MISP: variants seen among roughly 807,000 people sequenced by gnomAD.
MISP encodes mitotic interactor and substrate of PLK1.
In MISP, 51 loss-of-function variants were observed where a neutral mutation model predicts 49.3. That is an observed-to-expected ratio of 1.03 (90% CI 0.83 to 1.31). MISP has a LOEUF of 1.31. MISP is among the 50% of genes most tolerant of loss of function. MISP has a pLI of 0.00. For missense variants in MISP, 1,084 were observed against 935.1 expected, an observed-to-expected ratio of 1.16 and a Z score of -2.08; for synonymous variants, 444 against 392.6, an observed-to-expected ratio of 1.13 and a Z score of -1.55.
rs146140485 is a variant in MISP at position 758,422 on chromosome 19, G to A, written c.1476G>A (p.Pro492=). 2.5e-3 allele frequency: 4,061 copies of A among 1,614,180 alleles called. 16 individuals are homozygous for A. The highest frequency in any genetic ancestry group is 4.5e-3 in the South Asian group (407 of 91,082). ...CATCGAAGCCCCCTCGGGGATGCCC[G>A]CAAGCCAACAGGGGTGTCGTGCGGT... is the stretch of plus-strand genomic sequence containing the variant. The part of the protein sequence containing the change: ...QEASKPPRGC[P]QANRGVVRWE... Residue 492 remains proline (P), a synonymous_variant, in exon 2 of 5, where the codon CCG becomes CCA. Transcript: ENST00000215582.
At chr19:759,875 G>A (rs776233756) in intron 2 of MISP, 34 bp from the exon 3 acceptor site, 3 of 1,612,762 alleles carry the variant, frequency 1.9e-6, no homozygotes, top group South Asian at 1.1e-5. Context: ...TCTGACAAAT[G>A]TTCTAATGTT....
intron 1 of MISP, among the ~76,000 whole-genome samples, chr19:751,574 C>T (rs2033460462): frequency 6.6e-6 from 1 of 152,144 alleles, no homozygotes; most frequent in Admixed American, 6.5e-5. Flanking sequence ...TCCCACCAGG[C>T]CCCTGACTGG....
At chr19:762,583 C>T (rs186789393) in intron 4 of MISP, among the ~76,000 whole-genome samples, 34 of 152,276 alleles carry the variant, frequency 2.2e-4, no homozygotes, top group African/African-American at 7.9e-4. Context: ...AGGTATGCAT[C>T]TGAGACTATT....
chr19:762,444 G>T (rs573200476), intron 4 of MISP, among the ~76,000 whole-genome samples: 1 of 151,312 alleles, frequency 6.6e-6, no homozygotes, highest in Admixed American at 6.6e-5. Flanking sequence ...GCAGAGATGG[G>T]GTTTCACCAT....
At chr19:759,397 AT>A in intron 2 of MISP, among the ~76,000 whole-genome samples, 1 of 116,666 alleles carries the variant, frequency 8.6e-6, no homozygotes, top group African/African-American at 3.3e-5. Flanking sequence ...GTCACTTTTA[AT>A]GTTTTTTTTT....
chr19:748,542 T>C (rs2033410144), upstream of MISP, among the ~76,000 whole-genome samples: 1 of 152,132 alleles, frequency 6.6e-6, no homozygotes, highest in African/African-American at 2.4e-5. Flanking sequence ...AAGGGGCTGC[T>C]GTGGGGGGGC....
At chr19:752,014 A>T (rs956512075) in intron 1 of MISP, among the ~76,000 whole-genome samples, 1 of 152,110 alleles carries the variant, frequency 6.6e-6, no homozygotes, top group Non-Finnish European at 1.5e-5. Context: ...TGAGGCTGGG[A>T]GGAGCAACCC....
At chr19:753,285 C>T (rs551073093) in intron 1 of MISP, among the ~76,000 whole-genome samples, 3 of 152,222 alleles carry the variant, frequency 2.0e-5, no homozygotes, top group East Asian at 1.9e-4. Context: ...TGACACATTG[C>T]GTGTAGTTTC....
chr19:760,171 G>A (rs2033650438), intron 3 of MISP, 132 bp downstream of exon 3: 2 of 963,080 alleles, frequency 2.1e-6, no homozygotes, highest in Admixed American at 5.0e-5. Flanking sequence ...CCGTGCCTCA[G>A]TCTCCTGCAG....
chr19:752,024 C>A (rs2033467059), intron 1 of MISP, among the ~76,000 whole-genome samples: 1 of 152,112 alleles, frequency 6.6e-6, no homozygotes, highest in Admixed American at 6.6e-5. Flanking sequence ...AGGAGCAACC[C>A]AGGGGGCTTC....
rs755955223 is a variant in MISP at position 758,028 on chromosome 19, G to A, written c.1082G>A (p.Arg361His). The A allele has an allele frequency of 2.3e-5, 36 of 1,570,192 alleles. No homozygotes were observed. The highest frequency in any genetic ancestry group is 2.8e-5 in the Non-Finnish European group (33 of 1,161,324). Reference protein sequence around the residue: ...VQRDIVQETQREEDHRREGLH... With the variant: ...VQRDIVQETQHEEDHRREGLH... ...CGGGACATAGTACAGGAGACACAGC[G>A]TGAGGAAGACCACCGGCGGGAGGGC... Residue 361 changes from arginine to histidine, a missense_variant, in exon 2 of 5, where the codon CGT (arginine) becomes CAT (histidine). Transcript: ENST00000215582.
intron 3 of MISP, chr19:760,359 A>G: frequency 5.9e-6 from 1 of 168,880 alleles, no homozygotes; most frequent in East Asian, 1.8e-4. Flanking sequence ...CACCAGCATT[A>G]GTTTCTTTTT....
chr19:763,691 A>AG lies in MISP; in HGVS notation c.*103dup, dbSNP rs2033711287. On this transcript the variant is annotated 3_prime_UTR_variant, in exon 5 of 5. Transcript: ENST00000215582. ...ACCCTAGGAAATGGGTCCTAGGTCC[A>AG]GGATCCAAGAACCACAGCTCATCTG... The AG allele has an allele frequency of 1.3e-6, 1 of 786,978 alleles. No individual in the cohort carries two copies. Among genetic ancestry groups the AG allele is most frequent in the African/African-American group, 1.7e-5 (1 of 58,466 alleles). The allele number at this position is 786,978 out of a possible 1,614,324, so 48.7% of individuals were successfully genotyped here.
chr19:749,898 C>T (rs372134806), upstream of MISP, among the ~76,000 whole-genome samples: 3 of 152,086 alleles, frequency 2.0e-5, no homozygotes, highest in Admixed American at 1.3e-4. Context: ...CCTTTTTACT[C>T]GAAGAAGAGA....
chr19:753,409 C>T (rs955700849), intron 1 of MISP, among the ~76,000 whole-genome samples: 3 of 132,554 alleles, frequency 2.3e-5, no homozygotes, highest in Non-Finnish European at 3.1e-5. Flanking sequence ...TTTTTTGAGG[C>T]GGAGTCTAGC....
At position 763,898 on chromosome 19, in the gene MISP, C is replaced by T. The variant is rs568651546; in HGVS notation, c.*308C>T. The T allele has an allele frequency of 1.7e-4, 55 of 332,366 alleles. No individual in the cohort carries two copies. Among genetic ancestry groups the T allele is most frequent in the Non-Finnish European group, 2.8e-4 (50 of 176,618 alleles). The allele number at this position is 332,366 out of a possible 1,614,324, so 20.6% of individuals were successfully genotyped here. A position where few individuals can be genotyped will look rare whatever the true frequency, so the allele number is the denominator to read the frequency against. ...CCTGGGTCTAAGAAAGAAAGAGACCCGCTCCTCCACTTTCAGGTGTAATTT... is the reference window on the plus strand; with the variant it reads ...CCTGGGTCTAAGAAAGAAAGAGACCTGCTCCTCCACTTTCAGGTGTAATTT... On this transcript the variant is annotated 3_prime_UTR_variant, in exon 5 of 5. Transcript: ENST00000215582.
rs1327173984 is a variant in MISP, at chr19:757,066, C to T, written c.120C>T (p.Ala40=). The change falls in exon 2 of 5, where the codon GCC becomes GCT. Residue 40 remains alanine (A), a synonymous_variant. Transcript: ENST00000215582. ...TYHLVCMGPE[A]SGWGQDEPQT... ...ATCTGGTGTGCATGGGCCCCGAGGC[C>T]AGCGGCTGGGGCCAGGATGAGCCGC... 6.2e-7 allele frequency: 1 copy of T among 1,612,208 alleles called. No homozygotes were observed. Among genetic ancestry groups the T allele is most frequent in the Non-Finnish European group, 8.5e-7 (1 of 1,179,448 alleles).
At position 757,567 on chromosome 19, in the gene MISP, C is replaced by A. The variant is rs1238195456; in HGVS notation, c.621C>A (p.Asn207Lys). The change falls in exon 2 of 5, where the codon AAC becomes AAA. Residue 207 changes from asparagine to lysine, a missense_variant. Coordinates refer to ENST00000215582, the MANE Select transcript of MISP (RefSeq NM_173481.4). ...AGTTCCTGAGTCTGGAGCAGGCGAA[C>A]AAGGGGGCCCCTCATAGCTCCCCGG... The part of the protein sequence containing the change: ...RQQFLSLEQA[N>K]KGAPHSSPAR... The A allele has an allele frequency of 6.2e-7, 1 of 1,612,810 alleles. No homozygotes were observed. The highest frequency in any genetic ancestry group is 8.5e-7 in the Non-Finnish European group (1 of 1,179,706).
At position 761,806 on chromosome 19, in the gene MISP, G is replaced by A. The variant is rs2033676699; in HGVS notation, c.1950+143G>A. On this transcript the variant is annotated intron_variant, in intron 4 of 4. Coordinates refer to ENST00000215582, the MANE Select transcript of MISP (RefSeq NM_173481.4). ...TCAATTGGTAGTGTCTGCTCAGGGT[G>A]GATTTTGCTGTGATCTGCTTGTGAT... 5 of 873,614 alleles carry A rather than the reference G, an allele frequency of 5.7e-6. No individual in the cohort carries two copies. The Admixed American group carries it at 6.4e-5, about 11-fold the overall frequency. 54.1% of individuals were successfully genotyped at this position (873,614 alleles called of 1,614,324 possible).
Sources: gnomAD v4.1 joint callset for allele counts (sites outside exome capture counted in the v4.1 genomes callset) on GRCh38, gnomAD v4.1.1 for gene constraint, MANE v1.5 for transcripts, NCBI Gene and HGNC (gene_info 2026-07-23, HGNC 2026-07-21) for gene names.